CCL20: variants seen among roughly 807,000 people sequenced by gnomAD.
The protein encoded by CCL20 is C-C motif chemokine 20.
In CCL20, 8 loss-of-function variants were observed where a neutral mutation model predicts 10.8. The observed-to-expected ratio is 0.74, with a 90% confidence interval of 0.44 to 1.34. The LOEUF is 1.34. CCL20 is among the 40% of genes most tolerant of loss of function. The pLI, the probability that CCL20 is intolerant of heterozygous loss-of-function variation, is 0.01. For missense variants in CCL20, 107 were observed against 117.9 expected, an observed-to-expected ratio of 0.91 and a Z score of 0.43; for synonymous variants, 40 against 39.4, an observed-to-expected ratio of 1.02 and a Z score of -0.06.
rs191566390 is a variant in CCL20 at position 227,814,097 on chromosome 2, C to T, written c.76+110C>T. 3.4e-5 allele frequency: 31 copies of T among 909,806 alleles called. No homozygotes were observed. The African/African-American group carries it at 4.5e-4, about 13-fold the overall frequency. The allele number at this position is 909,806 out of a possible 1,614,324, so 56.4% of individuals were successfully genotyped here. A position where few individuals can be genotyped will look rare whatever the true frequency, so the allele number is the denominator to read the frequency against. On this transcript the variant is annotated intron_variant, in intron 1 of 3. Coordinates refer to ENST00000358813, the MANE Select transcript of CCL20 (RefSeq NM_004591.3). ...GGATGGAAAACTGTTAGGAAGTATACAAGAGGTAGTGATGGAAGTTGTCTG... is the reference window on the plus strand; with the variant it reads ...GGATGGAAAACTGTTAGGAAGTATATAAGAGGTAGTGATGGAAGTTGTCTG...
At position 227,815,437 on chromosome 2, in the gene CCL20, C is replaced by CT. The variant is rs34834265; in HGVS notation, c.77-3dup. On this transcript the variant is annotated splice_polypyrimidine_tract_variant and intron_variant, in intron 1 of 3. Coordinates refer to ENST00000358813, the MANE Select transcript of CCL20 (RefSeq NM_004591.3). ...ATTCATGTGGATCCAATACCTTTCA[C>CT]TTTTTTTTTTTTTTAGCAGCAAGCA... 117,282 of 1,083,634 alleles carry CT rather than the reference C, an allele frequency of 0.11. 1,361 individuals are homozygous for CT. Among genetic ancestry groups the CT allele is most frequent in the African/African-American group, 0.26 (16,294 of 61,670 alleles). 67.1% of individuals were successfully genotyped at this position (1,083,634 alleles called of 1,614,324 possible).
rs775124124 is a variant in CCL20, at chr2:227,813,937, T to C, written c.26T>C (p.Leu9Pro). 2.2e-5 allele frequency: 36 copies of C among 1,614,060 alleles called. No individual in the cohort carries two copies. The highest frequency in any genetic ancestry group is 3.0e-5 in the Non-Finnish European group (35 of 1,180,010). ...ATGTGCTGTACCAAGAGTTTGCTCC[T>C]GGCTGCTTTGATGTCAGTGCTGCTA... is the stretch of plus-strand genomic sequence containing the variant. MCCTKSLL[L>P]AALMSVLLLH... Residue 9 changes from leucine (L) to proline (P), a missense_variant, in exon 1 of 4, where the codon CTG becomes CCG. Physicochemically the swap from Leu to Pro is moderately conservative, Grantham distance 98. Coordinates refer to ENST00000358813, the MANE Select transcript of CCL20 (RefSeq NM_004591.3).
At chr2:227,816,850 G>A (rs529218280) in intron 3 of CCL20, among the ~76,000 whole-genome samples, 2 of 152,330 alleles carry the variant, frequency 1.3e-5, no homozygotes, top group African/African-American at 2.4e-5. Flanking sequence ...CACAAGATAA[G>A]TGTCCATAGC....
At chr2:227,814,130 T>C in intron 1 of CCL20, 143 bp downstream of exon 1, 1 of 719,854 alleles carries the variant, frequency 1.4e-6, no homozygotes, top group Non-Finnish European at 2.4e-6. Flanking sequence ...CTGCCCATGG[T>C]GGAGTGGAGG....
intron 1 of CCL20, among the ~76,000 whole-genome samples, chr2:227,814,702 C>T (rs1222928302): frequency 6.6e-6 from 1 of 152,016 alleles, no homozygotes; most frequent in African/African-American, 2.4e-5. Context: ...CAGTCTCAGC[C>T]TCTTGAATAA....
Position 227,817,385 on chromosome 2 carries a change from G to A in CCL20, c.*302G>A, listed in dbSNP as rs1016337508. ...TAGTGCAAAGTATAAAATTATATTT[G>A]GGGGGGAATAAGATTATATGGACTT... On this transcript the variant is annotated 3_prime_UTR_variant, in exon 4 of 4. Coordinates refer to ENST00000358813, the MANE Select transcript of CCL20 (RefSeq NM_004591.3). 4.9e-6 allele frequency: 1 copy of A among 206,168 alleles called. No individual in the cohort carries two copies. Among genetic ancestry groups the A allele is most frequent in the African/African-American group, 2.3e-5 (1 of 43,620 alleles). The allele number at this position is 206,168 out of a possible 1,614,324, so 12.8% of individuals were successfully genotyped here.
Position 227,817,525 on chromosome 2 carries a change from G to A in CCL20, c.*442G>A, listed in dbSNP as rs1163212601. 3 of 152,118 alleles carry A rather than the reference G, an allele frequency of 2.0e-5. No individual in the cohort carries two copies. Among genetic ancestry groups the A allele is most frequent in the African/African-American group, 7.2e-5 (3 of 41,394 alleles). 9.4% of individuals were successfully genotyped at this position (152,118 alleles called of 1,614,324 possible). A position where few individuals can be genotyped will look rare whatever the true frequency, so the allele number is the denominator to read the frequency against. ...TATAAAATAAGAAAAATATTAATAA[G>A]ACAAATATTGAAAATAAAGAAACAA... On this transcript the variant is annotated 3_prime_UTR_variant, in exon 4 of 4. Coordinates refer to ENST00000358813, the MANE Select transcript of CCL20 (RefSeq NM_004591.3).
chr2:227,815,417 T>C (rs527497937), intron 1 of CCL20, 37 bp from the exon 2 acceptor site: 1 of 1,027,424 alleles, frequency 9.7e-7, no homozygotes, highest in South Asian at 1.3e-5. Context: ...AGTTTATTCA[T>C]GTGGATCCAA....
intron 1 of CCL20, among the ~76,000 whole-genome samples, chr2:227,815,122 A>T (rs1690005269): frequency 6.6e-6 from 1 of 152,170 alleles, no homozygotes; most frequent in African/African-American, 2.4e-5. Context: ...TTCTTGAATG[A>T]TTATAGTGAA....
rs1689986621 is a variant in CCL20 at position 227,814,057 on chromosome 2, C to T, written c.76+70C>T. The T allele has an allele frequency of 4.5e-6, 6 of 1,319,240 alleles. No individual in the cohort carries two copies. In the Admixed American group the frequency reaches 8.4e-5, roughly 18 times the overall value. The allele number at this position is 1,319,240 out of a possible 1,614,324, so 81.7% of individuals were successfully genotyped here. ...ATTTTCCTTTTAGCCTTGAGCTCAA[C>T]TGGGGGTCCCTAAGGGATGGAAAAC... is the stretch of plus-strand genomic sequence containing the variant. On this transcript the variant is annotated intron_variant, in intron 1 of 3. Transcript: ENST00000358813.
In CCL20 at chr2:227,817,189, C is replaced by G. The variant is rs1000637413; in HGVS notation, c.*106C>G. On this transcript the variant is annotated 3_prime_UTR_variant, in exon 4 of 4. Coordinates refer to ENST00000358813, the MANE Select transcript of CCL20 (RefSeq NM_004591.3). ...ACATCATGGAGGGTTTAGTGCTTAT[C>G]TAATTTGTGCCTCACTGGACTTGTC... 2 of 787,574 alleles carry G rather than the reference C, an allele frequency of 2.5e-6. No homozygotes were observed. The highest frequency in any genetic ancestry group is 3.4e-5 in the African/African-American group (2 of 58,034). 48.8% of individuals were successfully genotyped at this position (787,574 alleles called of 1,614,324 possible).
At chr2:227,816,774 A>G (rs1030755185) in intron 3 of CCL20, among the ~76,000 whole-genome samples, 1 of 152,262 alleles carries the variant, frequency 6.6e-6, no homozygotes, top group African/African-American at 2.4e-5. Flanking sequence ...AATAATAGAC[A>G]GTAACACTTT....
intron 3 of CCL20, among the ~76,000 whole-genome samples, 176 bp downstream of exon 3, chr2:227,816,560 C>T (rs1690028151): frequency 6.6e-6 from 1 of 152,104 alleles, no homozygotes; most frequent in African/African-American, 2.4e-5. Flanking sequence ...AGATCATCAT[C>T]GTTATTATTA....
intron 2 of CCL20, 103 bp from the exon 3 acceptor site, chr2:227,816,204 G>A (rs1690022534): frequency 1.6e-6 from 1 of 612,526 alleles, no homozygotes; most frequent in East Asian, 2.9e-5. Context: ...CAACTGAAAT[G>A]TTTAGTGTGT....
Position 227,817,200 on chromosome 2 carries a change from C to T in CCL20, c.*117C>T. On this transcript the variant is annotated 3_prime_UTR_variant, in exon 4 of 4. Transcript: ENST00000358813. ...GGTTTAGTGCTTATCTAATTTGTGCCTCACTGGACTTGTCCAATTAATGAA... is the reference window on the plus strand; with the variant it reads ...GGTTTAGTGCTTATCTAATTTGTGCTTCACTGGACTTGTCCAATTAATGAA... 3 of 691,914 alleles carry T rather than the reference C, an allele frequency of 4.3e-6. 1 individual carries two copies. The South Asian group carries it at 6.4e-5, about 15-fold the overall frequency. The allele number at this position is 691,914 out of a possible 1,614,324, so 42.9% of individuals were successfully genotyped here.
intron 3 of CCL20, 71 bp downstream of exon 3, chr2:227,816,455 G>T: frequency 1.3e-6 from 1 of 748,370 alleles, no homozygotes; most frequent in Non-Finnish European, 2.2e-6. Context: ...GTGGGCCGTA[G>T]GTTTTCTGGG....
intron 3 of CCL20, 30 bp from the exon 4 acceptor site, chr2:227,817,032 C>T: frequency 2.5e-6 from 4 of 1,580,314 alleles, no homozygotes; most frequent in East Asian, 2.2e-5. Flanking sequence ...CTTGTCATTA[C>T]TTACACTTTT....
intron 1 of CCL20, 62 bp downstream of exon 1, chr2:227,814,049 G>A: frequency 7.1e-7 from 1 of 1,416,726 alleles, no homozygotes; most frequent in Non-Finnish European, 1.0e-6. Flanking sequence ...TTTTAGCCTT[G>A]AGCTCAACTG....
Position 227,817,318 on chromosome 2 carries a change from G to A in CCL20, c.*235G>A. On this transcript the variant is annotated 3_prime_UTR_variant, in exon 4 of 4. Coordinates refer to ENST00000358813, the MANE Select transcript of CCL20 (RefSeq NM_004591.3). ...TTATTTATAGCTGTAGGTTTTCTGT[G>A]TTTAGCTATTTAATACTAATTTTCC... is the stretch of plus-strand genomic sequence containing the variant. The A allele has an allele frequency of 3.2e-6, 1 of 315,332 alleles. No homozygotes were observed. 19.5% of individuals were successfully genotyped at this position (315,332 alleles called of 1,614,324 possible). A position where few individuals can be genotyped will look rare whatever the true frequency, so the allele number is the denominator to read the frequency against.
Sources: allele counts gnomAD v4.1 joint callset (sites outside exome capture counted in the v4.1 genomes callset), GRCh38; gene constraint gnomAD v4.1.1; transcripts MANE v1.5; gene names NCBI Gene and HGNC (gene_info 2026-07-23, HGNC 2026-07-21).